TDRP: variants seen among roughly 807,000 people sequenced by gnomAD.
The protein encoded by TDRP is testis development related protein.
TDRP carries 12 observed loss-of-function variants against 10.5 expected under a neutral mutation model. The ratio of observed to expected loss-of-function variants is 1.15; its 90% CI spans 0.73 to 1.86. The LOEUF is 1.86. TDRP is among the 40% of genes most tolerant of loss of function. The pLI, the probability that TDRP is intolerant of heterozygous loss-of-function variation, is 0.00. For synonymous variants in TDRP, 139 were observed against 95.4 expected, an observed-to-expected ratio of 1.46 and a Z score of -2.67; for missense variants, 353 against 229.2, an observed-to-expected ratio of 1.54 and a Z score of -3.49.
At chr8:540,924 C>A (rs894975845) in intron 1 of TDRP, among the ~76,000 whole-genome samples, 4 of 151,792 alleles carry the variant, frequency 2.6e-5, no homozygotes, top group African/African-American at 4.8e-5. Flanking sequence ...TCAACCTGCA[C>A]GTTTAACATC....
chr8:544,887 G>A, upstream of TDRP: 1 of 589,664 alleles, frequency 1.7e-6, no homozygotes, highest in Non-Finnish European at 2.4e-6. Context: ...GGCTAGGCGG[G>A]GGCGGGGCAC....
chr8:516,984 A>G (rs1485378673), intron 1 of TDRP, among the ~76,000 whole-genome samples: 1 of 152,186 alleles, frequency 6.6e-6, no homozygotes, highest in Admixed American at 6.5e-5. Flanking sequence ...TGTATAAACC[A>G]ACTAAAATTC....
chr8:543,595 G>A (rs77493492), intron 1 of TDRP, among the ~76,000 whole-genome samples: 2,998 of 149,066 alleles, frequency 0.02, 102 homozygotes, highest in African/African-American at 0.071. Context: ...CTACCTAAAA[G>A]AAATTTCTCA....
At chr8:523,107 C>G (rs79751515) in intron 1 of TDRP, among the ~76,000 whole-genome samples, 1,544 of 152,274 alleles carry the variant, frequency 0.01, 27 homozygotes, top group African/African-American at 0.035. Flanking sequence ...CTTTTCCTCT[C>G]TTGCTGACTT....
At chr8:529,504 T>C (rs1802127246) in intron 1 of TDRP, among the ~76,000 whole-genome samples, 1 of 152,208 alleles carries the variant, frequency 6.6e-6, no homozygotes, top group Non-Finnish European at 1.5e-5. Flanking sequence ...TTAGCATCCT[T>C]TCACTTCAGC....
At chr8:509,826 A>G (rs1019085431) in intron 1 of TDRP, among the ~76,000 whole-genome samples, 1 of 152,190 alleles carries the variant, frequency 6.6e-6, no homozygotes, top group Non-Finnish European at 1.5e-5. Context: ...CAAAGTTTCC[A>G]AACTTTGACG....
intron 1 of TDRP, among the ~76,000 whole-genome samples, chr8:496,635 C>A (rs535426885): frequency 7.6e-4 from 115 of 152,282 alleles, no homozygotes; most frequent in Non-Finnish European, 1.5e-3. Flanking sequence ...GACTGCCCAC[C>A]CCTTCCTTTA....
At chr8:501,236 CG>C (rs1280565375) in intron 1 of TDRP, among the ~76,000 whole-genome samples, 1 of 152,020 alleles carries the variant, frequency 6.6e-6, no homozygotes, top group Middle Eastern at 3.2e-3. Flanking sequence ...AAAACATGAG[CG>C]TAATGCTCGG....
intron 1 of TDRP, among the ~76,000 whole-genome samples, chr8:508,474 T>TGGCA (rs770320916): frequency 1.1e-4 from 17 of 152,188 alleles, no homozygotes; most frequent in Non-Finnish European, 1.8e-4. Context: ...ATATCTAATA[T>TGGCA]GGCAGCATTC....
chr8:543,011 A>G (rs1345723278), intron 1 of TDRP, among the ~76,000 whole-genome samples: 1 of 151,036 alleles, frequency 6.6e-6, no homozygotes, highest in Non-Finnish European at 1.5e-5. Flanking sequence ...GAAATTTTTC[A>G]AAGTAAGAAC....
chr8:544,350 AG>A (rs1227400168), intron 1 of TDRP, among the ~76,000 whole-genome samples: 2 of 151,950 alleles, frequency 1.3e-5, no homozygotes, highest in African/African-American at 4.8e-5. Context: ...TAACACGTGC[AG>A]GGGGCACTGG....
At position 491,787 on chromosome 8, in the gene TDRP, C is replaced by G. The variant is rs959200381; in HGVS notation, c.*612G>C. The G allele has an allele frequency of 7.8e-7, 1 of 1,284,180 alleles. No homozygotes were observed. Among genetic ancestry groups the G allele is most frequent in the Non-Finnish European group, 9.8e-7 (1 of 1,019,110 alleles). The allele number at this position is 1,284,180 out of a possible 1,614,324, so 79.5% of individuals were successfully genotyped here. The stretch of plus-strand genomic sequence containing the variant: ...CCACTGTTACTATCCAGTGGACATA[C>G]AAGAAGCTATTCCTCCCTCAGCAAA... On this transcript the variant is annotated 3_prime_UTR_variant, in exon 3 of 3. Coordinates refer to ENST00000324079, the MANE Select transcript of TDRP (RefSeq NM_001384899.1).
intron 1 of TDRP, among the ~76,000 whole-genome samples, chr8:518,865 A>T (rs915092293): frequency 7.3e-5 from 11 of 151,714 alleles, no homozygotes; most frequent in Non-Finnish European, 1.5e-4. Flanking sequence ...AGTATGGTAT[A>T]AAAAACTCAA....
At chr8:519,468 T>C (rs1801840754) in intron 1 of TDRP, among the ~76,000 whole-genome samples, 1 of 152,256 alleles carries the variant, frequency 6.6e-6, no homozygotes, top group African/African-American at 2.4e-5. Flanking sequence ...CTTAACTACC[T>C]TCAAGTATAG....
intron 1 of TDRP, among the ~76,000 whole-genome samples, chr8:539,499 G>A (rs1415538433): frequency 1.3e-5 from 2 of 152,190 alleles, no homozygotes; most frequent in Non-Finnish European, 2.9e-5. Flanking sequence ...CACAAACACA[G>A]ACGAAAGAAT....
rs149619142 is a variant in TDRP at position 521,516 on chromosome 8, C to T, written c.108+23134G>A. Among the ~76,000 whole-genome samples the T allele has an allele frequency of 1.5e-3, 226 of 152,250 alleles. 2 individuals are homozygous for T. The highest frequency in any genetic ancestry group is 5.2e-3 in the African/African-American group (218 of 41,544). ...ACTATCTTTTCTCCATTGTGTAATC[C>T]AAGCAGCCCTGTTTAAGATCATGTG... On this transcript the variant is annotated intron_variant, in intron 1 of 2. Transcript: ENST00000324079.
intron 1 of TDRP, among the ~76,000 whole-genome samples, chr8:542,506 C>T (rs1392282863): frequency 6.6e-6 from 1 of 152,130 alleles, no homozygotes; most frequent in African/African-American, 2.4e-5. Context: ...GCACCTAAAA[C>T]TGGATACCTG....
chr8:503,870 C>A (rs564014663), intron 1 of TDRP, among the ~76,000 whole-genome samples: 1 of 147,226 alleles, frequency 6.8e-6, no homozygotes, highest in Admixed American at 6.8e-5. Flanking sequence ...CACACCAACA[C>A]GGAATCCAGA....
intron 1 of TDRP, among the ~76,000 whole-genome samples, chr8:511,854 G>C (rs1469540797): frequency 6.6e-6 from 1 of 152,028 alleles, no homozygotes; most frequent in African/African-American, 2.4e-5. Flanking sequence ...AAGGAAATCA[G>C]AAAATACTTG....
Sources: allele counts gnomAD v4.1 joint callset (sites outside exome capture counted in the v4.1 genomes callset), GRCh38; gene constraint gnomAD v4.1.1; transcripts MANE v1.5; gene names NCBI Gene and HGNC (gene_info 2026-07-23, HGNC 2026-07-21).